Variants in DENND1B observed in about 807,000 individuals in gnomAD.
DENND1B encodes DENN domain-containing protein 1B.
In DENND1B, 59 loss-of-function variants were observed where a neutral mutation model predicts 90.1. The ratio of observed to expected loss-of-function variants is 0.65; its 90% CI spans 0.53 to 0.81. The LOEUF is 0.81. Among genes scored for constraint, DENND1B ranks in the 40% least tolerant of loss-of-function variants. DENND1B has a pLI of 0.00. For missense variants in DENND1B, 862 were observed against 912.6 expected (o/e 0.94, Z 0.71); for synonymous variants, 337 against 324.6 (o/e 1.04, Z -0.41).
intron 16 of DENND1B, among the ~76,000 whole-genome samples, chr1:197,550,579 A>G (rs907521181): frequency 3.3e-5 from 5 of 151,122 alleles, no homozygotes; most frequent in African/African-American, 4.9e-5. Flanking sequence ...ACCAAACACC[A>G]CATGTTCTCA....
intron 9 of DENND1B, among the ~76,000 whole-genome samples, chr1:197,644,978 T>A (rs1214955582): frequency 6.6e-6 from 1 of 152,146 alleles, no homozygotes; most frequent in Non-Finnish European, 1.5e-5. Context: ...CGTAAGGGAA[T>A]ACTTCATTTT....
intron 3 of DENND1B, among the ~76,000 whole-genome samples, chr1:197,702,415 T>C (rs1276384524): frequency 2.0e-5 from 3 of 152,182 alleles, no homozygotes; most frequent in African/African-American, 7.2e-5. Context: ...GTTAAGGTTA[T>C]ATAACATGTA....
intron 2 of DENND1B, chr1:197,735,141 T>C (rs1662521915): frequency 5.1e-6 from 5 of 973,358 alleles, no homozygotes; most frequent in Non-Finnish European, 6.1e-6. Flanking sequence ...TATATATGAA[T>C]AATACAAAAG....
At chr1:197,528,954 C>T (rs578238220) in intron 20 of DENND1B, among the ~76,000 whole-genome samples, 2 of 151,606 alleles carry the variant, frequency 1.3e-5, no homozygotes, top group African/African-American at 4.8e-5. Context: ...GTAAAATAAA[C>T]GTCCACCAGT....
chr1:197,584,698 G>A (rs377348969), intron 14 of DENND1B, among the ~76,000 whole-genome samples: 39 of 152,138 alleles, frequency 2.6e-4, no homozygotes, highest in African/African-American at 8.9e-4. Flanking sequence ...GTTGGGGAGG[G>A]TGTCATTCTG....
In DENND1B at chr1:197,642,682, G is replaced by C. The variant is rs760397245; in HGVS notation, c.672+29C>G. On this transcript the variant is annotated intron_variant, in intron 10 of 22. Transcript: ENST00000620048. ...TCTTTTTGTGAAACACTCAATACCT[G>C]CTACTTAAAAGAAGTGTGAAGTACT... The C allele has an allele frequency of 2.0e-6, 3 of 1,523,904 alleles. No individual in the cohort carries two copies. The South Asian group carries it at 3.5e-5, about 18-fold the overall frequency. 94.4% of individuals were successfully genotyped at this position (1,523,904 alleles called of 1,614,324 possible).
At chr1:197,627,375 C>T (rs79231564) in intron 10 of DENND1B, among the ~76,000 whole-genome samples, 31,167 of 151,890 alleles carry the variant, frequency 0.21, 3,324 homozygotes, top group African/African-American at 0.23. Context: ...TGGTTCAATA[C>T]ACGCAAATCA....
intron 3 of DENND1B, among the ~76,000 whole-genome samples, chr1:197,690,805 G>C (rs1278278256): frequency 6.6e-6 from 1 of 151,768 alleles, no homozygotes. Flanking sequence ...GAACATTTTT[G>C]GGTTTTTTTT....
chr1:197,707,388 T>C (rs899345782), intron 3 of DENND1B, among the ~76,000 whole-genome samples: 51 of 151,854 alleles, frequency 3.4e-4, no homozygotes, highest in African/African-American at 1.2e-3. Context: ...CAAGAATTTA[T>C]CACATATTTT....
At chr1:197,553,959 T>G (rs1671473667) in intron 15 of DENND1B, among the ~76,000 whole-genome samples, 1 of 152,070 alleles carries the variant, frequency 6.6e-6, no homozygotes, top group Non-Finnish European at 1.5e-5. Context: ...CCCTGGAGAC[T>G]ATCTTCCATT....
chr1:197,676,388 G>T (rs1183364771), intron 3 of DENND1B, among the ~76,000 whole-genome samples: 1 of 151,876 alleles, frequency 6.6e-6, no homozygotes, highest in South Asian at 2.1e-4. Flanking sequence ...GTGAAGGCTG[G>T]TATTTTCACT....
At chr1:197,553,262 T>G (rs995697775) in intron 15 of DENND1B, 150 bp from the exon 16 acceptor site, 1 of 541,422 alleles carries the variant, frequency 1.8e-6, no homozygotes, top group East Asian at 3.5e-5. Context: ...GGTGTATATA[T>G]ACACACACAC....
At chr1:197,611,792 A>C in intron 12 of DENND1B, 139 bp downstream of exon 12, 1 of 649,062 alleles carries the variant, frequency 1.5e-6, no homozygotes, top group Non-Finnish European at 2.6e-6. Flanking sequence ...TTGTCTTTTT[A>C]AAAATGATAA....
At chr1:197,587,739 C>T (rs182306344) in intron 14 of DENND1B, among the ~76,000 whole-genome samples, 424 of 152,132 alleles carry the variant, frequency 2.8e-3, no homozygotes, top group Non-Finnish European at 4.3e-3. Context: ...ATAATTCAAG[C>T]GCGTTACGTT....
At chr1:197,605,288 C>A (rs1676570438) in intron 13 of DENND1B, among the ~76,000 whole-genome samples, 1 of 150,874 alleles carries the variant, frequency 6.6e-6, no homozygotes, top group Non-Finnish European at 1.5e-5. Context: ...TATTTAACTT[C>A]TCCATATATT....
At chr1:197,514,442 T>C (rs1668259607) in intron 20 of DENND1B, among the ~76,000 whole-genome samples, 1 of 151,700 alleles carries the variant, frequency 6.6e-6, no homozygotes, top group Admixed American at 6.6e-5. Flanking sequence ...TTCTTCTTGA[T>C]GTTCAAATTG....
intron 2 of DENND1B, among the ~76,000 whole-genome samples, chr1:197,727,263 C>T (rs1185760994): frequency 6.6e-6 from 1 of 152,136 alleles, no homozygotes; most frequent in Non-Finnish European, 1.5e-5. Context: ...GCGCCGGGCG[C>T]AGTGGCTCAC....
chr1:197,688,804 T>C, intron 3 of DENND1B: 1 of 174,604 alleles, frequency 5.7e-6, no homozygotes, highest in South Asian at 1.4e-4. Flanking sequence ...TCACTGGACA[T>C]GTAGATTCAT....
At chr1:197,757,015 T>C (rs1460788786) in intron 2 of DENND1B, among the ~76,000 whole-genome samples, 1 of 150,870 alleles carries the variant, frequency 6.6e-6, no homozygotes, top group African/African-American at 2.4e-5. Flanking sequence ...ACTATATATA[T>C]ACACAGACAC....
Sources: allele counts gnomAD v4.1 joint callset (sites outside exome capture counted in the v4.1 genomes callset), GRCh38; gene constraint gnomAD v4.1.1; transcripts MANE v1.5; gene names NCBI Gene and HGNC (gene_info 2026-07-23, HGNC 2026-07-21).